MTCL2: variants seen among roughly 807,000 people sequenced by gnomAD.
The protein encoded by MTCL2 is microtubule cross-linking factor 2.
the MTCL2 span, among the ~76,000 whole-genome samples, chr20:36,791,956 GCTCA>G: frequency 6.6e-6 from 1 of 152,146 alleles, no homozygotes; most frequent in Non-Finnish European, 1.5e-5. Context: ...TTCAAATAAT[GCTCA>G]CTAACATTCA....
At chr20:36,816,020 C>T in the MTCL2 span, 3 of 1,613,652 alleles carry the variant, frequency 1.9e-6, no homozygotes, top group Non-Finnish European at 1.7e-6. Flanking sequence ...TCTCAGCCCG[C>T]AGGCCTCGGT....
chr20:36,855,855 AG>A, the MTCL2 span, among the ~76,000 whole-genome samples: 1 of 152,082 alleles, frequency 6.6e-6, no homozygotes, highest in African/African-American at 2.4e-5. Context: ...TGACACAGTG[AG>A]GTTTGGCTCC....
chr20:36,793,440 C>T, the MTCL2 span: 2 of 1,551,236 alleles, frequency 1.3e-6, no homozygotes, highest in South Asian at 2.4e-5. The surrounding 1 kb of genome is among the most constrained non-coding windows in gnomAD (Gnocchi z 6.8). Flanking sequence ...GTGCCCTCCT[C>T]TCCTGCTGAT....
chr20:36,818,474 C>T, the MTCL2 span, among the ~76,000 whole-genome samples: 1 of 152,024 alleles, frequency 6.6e-6, no homozygotes, highest in Non-Finnish European at 1.5e-5. Flanking sequence ...TAGAAATGGT[C>T]ATAAGAGACT....
the MTCL2 span, chr20:36,796,762 G>T: frequency 2.2e-6 from 2 of 925,214 alleles, no homozygotes; most frequent in Non-Finnish European, 1.7e-6. Context: ...GAGGGCAAAG[G>T]GGCGGGGCAG....
chr20:36,843,830 A>C, the MTCL2 span, among the ~76,000 whole-genome samples: 2 of 152,256 alleles, frequency 1.3e-5, no homozygotes, highest in African/African-American at 4.8e-5. Context: ...TAACAAATGC[A>C]TGACATTTAG....
chr20:36,798,492 G>C, the MTCL2 span, among the ~76,000 whole-genome samples: 1 of 152,208 alleles, frequency 6.6e-6, no homozygotes, highest in Non-Finnish European at 1.5e-5. Context: ...GTGAATGATC[G>C]TGTAGCACTT....
the MTCL2 span, chr20:36,786,442 T>C: frequency 4.7e-6 from 7 of 1,501,856 alleles, no homozygotes; most frequent in Admixed American, 1.5e-4. Context: ...CCTTCTGCTA[T>C]CCAGGGGCTG....
the MTCL2 span, among the ~76,000 whole-genome samples, chr20:36,792,829 T>C: frequency 6.8e-6 from 1 of 147,580 alleles, no homozygotes; most frequent in Non-Finnish European, 1.5e-5. Context: ...TTTATATATA[T>C]AGATATATAG....
the MTCL2 span, among the ~76,000 whole-genome samples, chr20:36,823,104 A>G: frequency 1.3e-5 from 2 of 152,174 alleles, no homozygotes; most frequent in Non-Finnish European, 2.9e-5. Context: ...TGTACCTCAA[A>G]GATTTAGGCA....
At chr20:36,781,663 T>C in the MTCL2 span, 2 of 151,116 alleles carry the variant, frequency 1.3e-5, no homozygotes, top group Admixed American at 6.6e-5. Context: ...CTGGGCAACA[T>C]AGGGAGACCC....
the MTCL2 span, chr20:36,808,437 T>C: frequency 5.6e-6 from 7 of 1,255,616 alleles, no homozygotes; most frequent in Non-Finnish European, 7.9e-6. Flanking sequence ...GTTGTGTCAA[T>C]ACCAGCTGGG....
the MTCL2 span, chr20:36,794,878 C>T: frequency 6.2e-6 from 3 of 485,838 alleles, no homozygotes; most frequent in South Asian, 2.1e-5. The surrounding 1 kb of genome is among the most constrained non-coding windows in gnomAD (Gnocchi z 5.4). Flanking sequence ...AAGTGATCCT[C>T]CCATTTCAGC....
the MTCL2 span, among the ~76,000 whole-genome samples, chr20:36,831,560 C>T: frequency 6.6e-6 from 1 of 152,328 alleles, no homozygotes; most frequent in South Asian, 2.1e-4. Flanking sequence ...GCACGGACCC[C>T]TTGGCAATGT....
chr20:36,786,307 G>A, the MTCL2 span: 1 of 1,303,122 alleles, frequency 7.7e-7, no homozygotes, highest in African/African-American at 1.5e-5. Flanking sequence ...GGGGCCAGCA[G>A]GAGACCCGGC....
chr20:36,849,941 G>A, the MTCL2 span, among the ~76,000 whole-genome samples: 2 of 152,102 alleles, frequency 1.3e-5, no homozygotes, highest in Non-Finnish European at 2.9e-5. Context: ...TCCCAGCTGG[G>A]AGGACACGGA....
At chr20:36,829,103 G>T in the MTCL2 span, 1 of 1,565,230 alleles carries the variant, frequency 6.4e-7, no homozygotes, top group Non-Finnish European at 8.7e-7. Context: ...AGCCAGCTCA[G>T]TCTCGATGAG....
At chr20:36,827,975 A>G in the MTCL2 span, among the ~76,000 whole-genome samples, 104 of 152,342 alleles carry the variant, frequency 6.8e-4, 1 homozygote, top group African/African-American at 2.4e-3. Context: ...CTGAGAGGGC[A>G]TTGGCACATC....
At chr20:36,789,613 C>T in the MTCL2 span, among the ~76,000 whole-genome samples, 1 of 149,812 alleles carries the variant, frequency 6.7e-6, no homozygotes, top group Non-Finnish European at 1.5e-5. Flanking sequence ...TGCAGTGAGC[C>T]GAGATCACAC....
Sources: allele counts gnomAD v4.1 joint callset (sites outside exome capture counted in the v4.1 genomes callset), GRCh38; gene constraint gnomAD v4.1.1; non-coding constraint Gnocchi (gnomAD v3.1); transcripts MANE v1.5; gene names NCBI Gene and HGNC (gene_info 2026-07-23, HGNC 2026-07-21).